Variants in TBC1D32 observed in about 807,000 individuals in gnomAD.
The protein encoded by TBC1D32 is TBC1 domain family member 32.
TBC1D32 carries 151 observed loss-of-function variants against 170.3 expected under a neutral mutation model. The observed-to-expected ratio is 0.89, with a 90% CI of 0.78 to 1.01. TBC1D32 has a LOEUF of 1.01. TBC1D32 is among the 50% of genes least tolerant of loss of function. The pLI is 0.00. For missense variants in TBC1D32, 1,464 were observed against 1,457.1 expected (o/e 1.00, Z -0.08); for synonymous variants, 498 against 488.0 (o/e 1.02, Z -0.27).
chr6:121,190,078 ACACACACACACACACACACACACAC>A (rs1789758997), intron 22 of TBC1D32, among the ~76,000 whole-genome samples: 7 of 28,172 alleles, frequency 2.5e-4, no homozygotes, highest in African/African-American at 5.5e-4. Flanking sequence ...ATACAGACAC[ACACACACACACACACACACACACAC>A]ACACACACAC....
At chr6:121,195,551 A>G (rs1790613469) in intron 22 of TBC1D32, among the ~76,000 whole-genome samples, 1 of 152,164 alleles carries the variant, frequency 6.6e-6, no homozygotes, top group Non-Finnish European at 1.5e-5. Context: ...TCCATCATCA[A>G]GTGGAAGTTG....
At chr6:121,214,850 G>A (rs1030738413) in intron 21 of TBC1D32, among the ~76,000 whole-genome samples, 2 of 152,178 alleles carry the variant, frequency 1.3e-5, no homozygotes, top group African/African-American at 2.4e-5. Flanking sequence ...CAGGAAGAAT[G>A]AGGTATGTAG....
At chr6:121,118,573 G>A (rs1779924303) in intron 26 of TBC1D32, among the ~76,000 whole-genome samples, 1 of 152,090 alleles carries the variant, frequency 6.6e-6, no homozygotes, top group Non-Finnish European at 1.5e-5. Flanking sequence ...TATTCTGCCT[G>A]GCACCTAATA....
intron 12 of TBC1D32, among the ~76,000 whole-genome samples, chr6:121,284,238 A>C (rs1461308015): frequency 6.6e-6 from 1 of 152,084 alleles, no homozygotes; most frequent in Non-Finnish European, 1.5e-5. Flanking sequence ...GGAGTAGTAA[A>C]ATTCAGCTTA....
At chr6:121,206,462 G>C (rs905024) in intron 21 of TBC1D32, among the ~76,000 whole-genome samples, 103,469 of 151,922 alleles carry the variant, frequency 0.68, 40,591 homozygotes, top group Non-Finnish European at 0.87. Context: ...GGAATTTGTG[G>C]CTTATGGTAC....
intron 22 of TBC1D32, among the ~76,000 whole-genome samples, chr6:121,186,268 T>C (rs138409407): frequency 1.3e-5 from 2 of 152,110 alleles, no homozygotes; most frequent in Non-Finnish European, 2.9e-5. Flanking sequence ...ACTGCTCCTA[T>C]GCAATGGAGG....
intron 30 of TBC1D32, among the ~76,000 whole-genome samples, chr6:121,098,520 G>A (rs1266137177): frequency 1.3e-5 from 2 of 151,784 alleles, no homozygotes. Context: ...AATTTTAAAT[G>A]AAAAAAGAAC....
intron 21 of TBC1D32, among the ~76,000 whole-genome samples, chr6:121,221,275 T>A (rs1794487398): frequency 6.6e-6 from 1 of 152,170 alleles, no homozygotes; most frequent in Non-Finnish European, 1.5e-5. Flanking sequence ...GTAAAAAGAT[T>A]CCTTTCAAAA....
intron 8 of TBC1D32, 50 bp from the exon 9 acceptor site, chr6:121,303,811 T>C: frequency 8.1e-7 from 1 of 1,231,834 alleles, no homozygotes; most frequent in Non-Finnish European, 1.1e-6. Context: ...GTTCTGGTGG[T>C]ATACTTTATA....
chr6:121,233,458 T>G lies in TBC1D32; in HGVS notation c.2364+5612A>C, dbSNP rs114501207. Among the ~76,000 whole-genome samples, 1,349 of 152,282 alleles carry G rather than the reference T, an allele frequency of 8.9e-3. 24 individuals are homozygous for G. The highest frequency in any genetic ancestry group is 0.031 in the African/African-American group (1,275 of 41,580). On this transcript the variant is annotated intron_variant, in intron 20 of 31. Coordinates refer to ENST00000398212, the MANE Select transcript of TBC1D32 (RefSeq NM_152730.6). ...TGGGACTAGTCTTTTTATCATTATA[T>G]AATATCCTTCTTTGTCTTTTTAACT... is the stretch of plus-strand genomic sequence containing the variant.
At chr6:121,187,303 A>T (rs1789328021) in intron 22 of TBC1D32, among the ~76,000 whole-genome samples, 1 of 152,112 alleles carries the variant, frequency 6.6e-6, no homozygotes, top group Non-Finnish European at 1.5e-5. Context: ...GAATGCAGGA[A>T]ATCTGAAAGC....
chr6:121,298,456 G>A (rs1176075419), intron 10 of TBC1D32, among the ~76,000 whole-genome samples: 1 of 151,966 alleles, frequency 6.6e-6, no homozygotes, highest in East Asian at 1.9e-4. Flanking sequence ...CATAAACCAT[G>A]GGGAAAATCA....
At position 121,160,105 on chromosome 6, in the gene TBC1D32, T is replaced by TA. The variant is rs750002194; in HGVS notation, c.2680-3dup. ...TGGCCAAGGATATGGATTATCACTC[T>TA]AAAAAAGAAGCAAGACAGATGACTT... On this transcript the variant is annotated splice_region_variant and splice_polypyrimidine_tract_variant and intron_variant, in intron 23 of 31. Coordinates refer to ENST00000398212, the MANE Select transcript of TBC1D32 (RefSeq NM_152730.6). The TA allele has an allele frequency of 6.3e-7, 1 of 1,577,358 alleles. No homozygotes were observed. The highest frequency in any genetic ancestry group is 1.3e-5 in the African/African-American group (1 of 74,392).
At chr6:121,184,695 G>C (rs2128278325) in intron 22 of TBC1D32, among the ~76,000 whole-genome samples, 1 of 151,768 alleles carries the variant, frequency 6.6e-6, no homozygotes, top group South Asian at 2.1e-4. Context: ...GGATAGTACA[G>C]GAACTTCTGA....
At chr6:121,255,818 A>T (rs1798929571) in intron 16 of TBC1D32, among the ~76,000 whole-genome samples, 1 of 152,112 alleles carries the variant, frequency 6.6e-6, no homozygotes, top group Admixed American at 6.5e-5. Flanking sequence ...AGTCTATGTA[A>T]GGAAAATTAA....
rs1796661379 is a variant in TBC1D32 at position 121,239,175 on chromosome 6, T to C, written c.2259A>G (p.Glu753=). Residue 753 remains glutamate (E), a synonymous_variant, in exon 20 of 32, where the codon GAA becomes GAG. Transcript: ENST00000398212. ...IALKKSGFIN[E]LITELWSNLE... ...GATTGGACCATAATTCAGTTATAAG[T>C]TCATTAATAAACCCTAAAAAGAATT... 1.3e-6 allele frequency: 2 copies of C among 1,579,916 alleles called. No homozygotes were observed. Among genetic ancestry groups the C allele is most frequent in the African/African-American group, 2.7e-5 (2 of 74,558 alleles).
In TBC1D32 at chr6:121,080,398, C is replaced by G. The variant is rs1582670968; in HGVS notation, c.*373G>C. On this transcript the variant is annotated 3_prime_UTR_variant, in exon 32 of 32. Transcript: ENST00000398212. Reference sequence around the variant, plus strand: ...ACCCAGCTAATTTCAGTATTGTTAGCAGAGACGAGGTTTCACCATTTTGGC... The same window carrying G: ...ACCCAGCTAATTTCAGTATTGTTAGGAGAGACGAGGTTTCACCATTTTGGC... The G allele has an allele frequency of 3.3e-6, 1 of 302,184 alleles. No homozygotes were observed. 18.7% of individuals were successfully genotyped at this position (302,184 alleles called of 1,614,324 possible). A position where few individuals can be genotyped will look rare whatever the true frequency, so the allele number is the denominator to read the frequency against.
intron 10 of TBC1D32, among the ~76,000 whole-genome samples, chr6:121,295,665 G>A (rs1805517095): frequency 6.6e-6 from 1 of 151,998 alleles, no homozygotes; most frequent in Non-Finnish European, 1.5e-5. Flanking sequence ...TACACAAGAG[G>A]AAGAAGCAGA....
chr6:121,235,370 G>C lies in TBC1D32; in HGVS notation c.2364+3700C>G, dbSNP rs1029633620. 5.3e-5 allele frequency among the ~76,000 whole-genome samples: 8 copies of C among 152,244 alleles called. 1 individual carries two copies. In the East Asian group the frequency reaches 7.7e-4, roughly 15 times the overall value. ...GAGGGTAAAAAAAGACCACCAGGAG[G>C]GGGCAGGGAGAGGCGTGTCTGAGCT... On this transcript the variant is annotated intron_variant, in intron 20 of 31. Transcript: ENST00000398212.
Sources: allele counts gnomAD v4.1 joint callset (sites outside exome capture counted in the v4.1 genomes callset), GRCh38; gene constraint gnomAD v4.1.1; transcripts MANE v1.5; gene names NCBI Gene and HGNC (gene_info 2026-07-23, HGNC 2026-07-21).